Variants in RIN3 observed in about 807,000 individuals in gnomAD.
The protein encoded by RIN3 is RAB5 interacting protein 3.
In RIN3, 54 loss-of-function variants were observed where a neutral mutation model predicts 76.3. That is an observed-to-expected ratio of 0.71 (90% CI 0.57 to 0.89). RIN3 has a LOEUF of 0.89. Among genes scored for constraint, RIN3 ranks in the 40% least tolerant of loss-of-function variants. The pLI, the probability that RIN3 is intolerant of heterozygous loss-of-function variation, is 0.00. For synonymous variants in RIN3, 576 were observed against 564.0 expected (o/e 1.02, Z -0.30); for missense variants, 1,256 against 1,322.1 (o/e 0.95, Z 0.78).
intron 3 of RIN3, among the ~76,000 whole-genome samples, chr14:92,588,258 G>A (rs1042094125): frequency 1.2e-4 from 13 of 104,740 alleles, no homozygotes; most frequent in Admixed American, 3.1e-4. Flanking sequence ...ATGGAGTTTC[G>A]CTCTTGTTGC....
chr14:92,596,291 C>T (rs942113798), intron 3 of RIN3, among the ~76,000 whole-genome samples: 13 of 152,302 alleles, frequency 8.5e-5, no homozygotes, highest in Admixed American at 7.2e-4. Flanking sequence ...CCTTCAGCCC[C>T]AGTTATTGGG....
intron 1 of RIN3, among the ~76,000 whole-genome samples, chr14:92,543,239 A>G (rs1330884723): frequency 6.6e-6 from 1 of 151,792 alleles, no homozygotes; most frequent in African/African-American, 2.4e-5. Context: ...CCATGTTCAC[A>G]TAGTTTAGAG....
chr14:92,525,837 C>T (rs55859854), intron 1 of RIN3, among the ~76,000 whole-genome samples: 5,130 of 152,218 alleles, frequency 0.034, 276 homozygotes, highest in African/African-American at 0.12. Context: ...TGTGGGGACG[C>T]AGGAGTGATA....
intron 1 of RIN3, among the ~76,000 whole-genome samples, chr14:92,517,796 G>A (rs776879470): frequency 2.6e-4 from 40 of 152,242 alleles, no homozygotes; most frequent in Non-Finnish European, 3.8e-4. Context: ...TCTCCCCTCC[G>A]TCCTACCCCA....
At chr14:92,612,924 G>A (rs959126429) in intron 3 of RIN3, among the ~76,000 whole-genome samples, 1 of 152,248 alleles carries the variant, frequency 6.6e-6, no homozygotes, top group East Asian at 1.9e-4. Flanking sequence ...AGCCTTGTAA[G>A]GATGCTGTTT....
chr14:92,539,978 G>C (rs748525008), intron 1 of RIN3, among the ~76,000 whole-genome samples: 3 of 151,958 alleles, frequency 2.0e-5, no homozygotes, highest in Non-Finnish European at 2.9e-5. Flanking sequence ...GCACCACCAG[G>C]CCTCCACACG....
chr14:92,525,015 C>T (rs74072922), intron 1 of RIN3, among the ~76,000 whole-genome samples: 10,050 of 152,258 alleles, frequency 0.066, 1,105 homozygotes, highest in African/African-American at 0.23. Flanking sequence ...GTGAGGCCTG[C>T]AGGGCCGCTG....
chr14:92,607,847 G>T (rs549473330), intron 3 of RIN3, among the ~76,000 whole-genome samples: 1 of 152,170 alleles, frequency 6.6e-6, no homozygotes, highest in East Asian at 1.9e-4. Flanking sequence ...AGCAGTAAAA[G>T]GCAATGAACT....
At chr14:92,608,429 G>A (rs9788624) in intron 3 of RIN3, among the ~76,000 whole-genome samples, 13,713 of 152,190 alleles carry the variant, frequency 0.09, 1,310 homozygotes, top group African/African-American at 0.23. Flanking sequence ...AACCACCATG[G>A]TATATGCTGG....
At chr14:92,546,381 ATTCTC>A (rs1566836073) in intron 1 of RIN3, among the ~76,000 whole-genome samples, 1 of 152,182 alleles carries the variant, frequency 6.6e-6, no homozygotes, top group East Asian at 1.9e-4. Flanking sequence ...CATTCGAACT[ATTCTC>A]TACTTGCTGT....
chr14:92,641,391 TG>T, intron 5 of RIN3, 62 bp downstream of exon 5: 1 of 1,285,372 alleles, frequency 7.8e-7, no homozygotes, highest in Non-Finnish European at 1.1e-6. Context: ...GCCCTAGGAC[TG>T]CCCCAGGGGC....
chr14:92,555,287 T>A (rs138058697), intron 1 of RIN3, among the ~76,000 whole-genome samples: 267 of 152,342 alleles, frequency 1.8e-3, no homozygotes, highest in Non-Finnish European at 2.6e-3. Context: ...GAACTGTGCT[T>A]CTGTTACATT....
intron 6 of RIN3, among the ~76,000 whole-genome samples, chr14:92,654,784 G>T (rs1286533759): frequency 2.0e-5 from 3 of 152,202 alleles, no homozygotes; most frequent in Non-Finnish European, 4.4e-5. Flanking sequence ...TCAGGTGCTG[G>T]CTCAGATATA....
rs182373772 is a variant in RIN3 at position 92,623,894 on chromosome 14, G to A, written c.440+8415G>A. 9.2e-4 allele frequency among the ~76,000 whole-genome samples: 140 copies of A among 152,310 alleles called. No homozygotes were observed. The highest frequency in any genetic ancestry group is 3.4e-3 in the Middle Eastern group (1 of 294). ...TGGAGATGGAGGCTGGATGGCCCTC[G>A]GGGGCTCACCCTCAAGGTGTTGAGT... On this transcript the variant is annotated intron_variant, in intron 4 of 9. Coordinates refer to ENST00000216487, the MANE Select transcript of RIN3 (RefSeq NM_024832.5). The surrounding 1 kb of genome is among the most constrained non-coding windows in gnomAD (Gnocchi z 4.9).
Position 92,685,356 on chromosome 14 carries a change from A to C in RIN3, c.2631+206A>C. On this transcript the variant is annotated intron_variant, in intron 9 of 9. Coordinates refer to ENST00000216487, the MANE Select transcript of RIN3 (RefSeq NM_024832.5). The surrounding 1 kb of genome is among the most constrained non-coding windows in gnomAD (Gnocchi z 4.7). The stretch of plus-strand genomic sequence containing the variant: ...CCAGGACTTGGGTGCGTCTAGAAAC[A>C]TATCAGCAGGCATTGGTGTTCTCCC... 1 of 575,902 alleles carries C rather than the reference A, an allele frequency of 1.7e-6. No homozygotes were observed. Among genetic ancestry groups the C allele is most frequent in the African/African-American group, 1.9e-5 (1 of 53,698 alleles). 35.7% of individuals were successfully genotyped at this position (575,902 alleles called of 1,614,324 possible). A position where few individuals can be genotyped will look rare whatever the true frequency, so the allele number is the denominator to read the frequency against.
chr14:92,570,388 C>T lies in RIN3; in HGVS notation c.250-6972C>T, dbSNP rs1341677619. The stretch of plus-strand genomic sequence containing the variant: ...TTTAACTAATGACATTCAGGCCAGG[C>T]GCGGTGGCTCACGCCTGTAATCCCA... On this transcript the variant is annotated intron_variant, in intron 2 of 9. Transcript: ENST00000216487. Among the ~76,000 whole-genome samples the T allele has an allele frequency of 3.9e-5, 6 of 152,288 alleles. 1 individual carries two copies. In the Middle Eastern group the frequency reaches 0.01, roughly 259 times the overall value.
intron 7 of RIN3, among the ~76,000 whole-genome samples, chr14:92,666,499 C>A (rs1888110391): frequency 6.6e-6 from 1 of 152,126 alleles, no homozygotes; most frequent in Non-Finnish European, 1.5e-5. Flanking sequence ...AGTTTAGGGC[C>A]CTGGGTTCGG....
intron 2 of RIN3, among the ~76,000 whole-genome samples, chr14:92,577,095 C>T (rs528377290): frequency 1.1e-4 from 17 of 152,268 alleles, no homozygotes; most frequent in African/African-American, 3.6e-4. Context: ...TCTGTGCCTC[C>T]AATACCCTTA....
chr14:92,538,965 A>G (rs1279442346), intron 1 of RIN3, among the ~76,000 whole-genome samples: 1 of 150,374 alleles, frequency 6.7e-6, no homozygotes, highest in East Asian at 2.0e-4. Context: ...CCTGTCCCCC[A>G]GCCTCCCAGG....
Sources: allele counts gnomAD v4.1 joint callset (sites outside exome capture counted in the v4.1 genomes callset), GRCh38; gene constraint gnomAD v4.1.1; non-coding constraint Gnocchi (gnomAD v3.1); transcripts MANE v1.5; gene names NCBI Gene and HGNC (gene_info 2026-07-23, HGNC 2026-07-21).